TRIM36: variants seen among roughly 807,000 people sequenced by gnomAD.
TRIM36 encodes the protein tripartite motif containing 36.
A neutral mutation model predicts 72.4 loss-of-function variants in TRIM36; 42 were observed. The observed-to-expected ratio is 0.58, with a 90% confidence interval of 0.45 to 0.75. The LOEUF is 0.75. Among genes scored for constraint, TRIM36 ranks in the 30% least tolerant of loss-of-function variants. The pLI is 0.00. For synonymous variants in TRIM36, 315 were observed against 282.8 expected (o/e 1.11, Z -1.14); for missense variants, 913 against 857.1 (o/e 1.07, Z -0.81).
intron 5 of TRIM36, among the ~76,000 whole-genome samples, chr5:115,138,652 T>C (rs1272608144): frequency 1.3e-5 from 2 of 152,126 alleles, no homozygotes; most frequent in African/African-American, 2.4e-5. Flanking sequence ...TCACATACTG[T>C]AAATAAACAT....
chr5:115,163,883 T>C lies in TRIM36; in HGVS notation c.28-131A>G, dbSNP rs997296325. On this transcript the variant is annotated intron_variant, in intron 1 of 9. Transcript: ENST00000513154. ...AGAAAATGATTTTCTAAATTTTAAA[T>C]TTCTTTTCCCCAATAAAATTTGATA... The C allele has an allele frequency of 2.0e-5, 17 of 842,954 alleles. No homozygotes were observed. The African/African-American group carries it at 2.2e-4, about 11-fold the overall frequency. 52.2% of individuals were successfully genotyped at this position (842,954 alleles called of 1,614,324 possible).
intron 5 of TRIM36, among the ~76,000 whole-genome samples, chr5:115,137,953 G>A (rs1403695533): frequency 1.3e-5 from 2 of 152,078 alleles, no homozygotes; most frequent in Non-Finnish European, 2.9e-5. Context: ...TTAAATAAGA[G>A]AATAATCTTT....
chr5:115,143,126 T>C (rs1753364909), intron 4 of TRIM36, among the ~76,000 whole-genome samples: 1 of 144,732 alleles, frequency 6.9e-6, no homozygotes, highest in African/African-American at 2.6e-5. Context: ...GAGGAAACTG[T>C]CCAAGCCCAG....
chr5:115,169,250 C>T (rs114724385), intron 1 of TRIM36, among the ~76,000 whole-genome samples: 1,757 of 152,340 alleles, frequency 0.012, 38 homozygotes, highest in African/African-American at 0.041. Flanking sequence ...GCGCGAGGGA[C>T]GCGCCCCAGC....
rs748520050 is a variant in TRIM36 at position 115,147,409 on chromosome 5, A to T, written c.263-15T>A. The T allele has an allele frequency of 6.2e-7, 1 of 1,604,750 alleles. No individual in the cohort carries two copies. Among genetic ancestry groups the T allele is most frequent in the Admixed American group, 1.7e-5 (1 of 59,760 alleles). On this transcript the variant is annotated splice_polypyrimidine_tract_variant and intron_variant, in intron 2 of 9. Transcript: ENST00000513154. ...GCGCTTCCAGCCTGTGTAATTAGTA[A>T]GTCTTTGTTTAGTTATAGCAGTAGG...
chr5:115,154,679 T>C (rs1451668666), intron 2 of TRIM36, among the ~76,000 whole-genome samples: 3 of 152,144 alleles, frequency 2.0e-5, no homozygotes, highest in African/African-American at 4.8e-5. Context: ...AGCACCAAGA[T>C]TGAAATGGTA....
At chr5:115,170,168 G>C (rs1217626749), upstream of TRIM36, among the ~76,000 whole-genome samples, 1 of 137,900 alleles carries the variant, frequency 7.3e-6, no homozygotes, top group Non-Finnish European at 1.6e-5. Flanking sequence ...GTAGTCGCCC[G>C]TCGCCCTATG....
chr5:115,143,025 T>A (rs573688790), intron 4 of TRIM36, among the ~76,000 whole-genome samples: 3 of 152,012 alleles, frequency 2.0e-5, no homozygotes, highest in Non-Finnish European at 4.4e-5. Context: ...AAGGTATGTA[T>A]CTAAGAAGAG....
At chr5:115,171,311 G>A, upstream of TRIM36, 5 of 1,557,936 alleles carry the variant, frequency 3.2e-6, no homozygotes, top group Non-Finnish European at 4.4e-6. Flanking sequence ...GAGGTGAACA[G>A]AGGACGAAAG....
Position 115,163,652 on chromosome 5 carries a change from T to C in TRIM36, c.128A>G (p.Lys43Arg), listed in dbSNP as rs370120655. 2.5e-5 allele frequency: 41 copies of C among 1,614,156 alleles called. No homozygotes were observed. Among genetic ancestry groups the C allele is most frequent in the Non-Finnish European group, 3.2e-5 (38 of 1,180,024 alleles). Residue 43 changes from lysine (K) to arginine (R), a missense_variant, in exon 2 of 10, where the codon AAA becomes AGA. Transcript: ENST00000513154. The stretch of plus-strand genomic sequence containing the variant: ...AGTCAGCAGGAGTTCTTTTACACAT[T>C]TATGACAGATACTATGTTGGCAAGG... Reference protein sequence around the residue: ...ILPCQHSICHKCVKELLLTLD... With the variant: ...ILPCQHSICHRCVKELLLTLD...
intron 1 of TRIM36, among the ~76,000 whole-genome samples, chr5:115,178,248 A>C (rs1329342663): frequency 6.6e-6 from 1 of 152,186 alleles, no homozygotes; most frequent in African/African-American, 2.4e-5. Flanking sequence ...CATAGGACAA[A>C]ATTCACCTAT....
chr5:115,172,189 G>C (rs1462489139), upstream of TRIM36, among the ~76,000 whole-genome samples: 1 of 151,976 alleles, frequency 6.6e-6, no homozygotes, highest in Non-Finnish European at 1.5e-5. Context: ...AAACCTTTTT[G>C]TGATATCGTA....
At chr5:115,133,418 T>C (rs557604022) in intron 8 of TRIM36, among the ~76,000 whole-genome samples, 139 of 152,226 alleles carry the variant, frequency 9.1e-4, no homozygotes, top group African/African-American at 3.1e-3. Flanking sequence ...AAGTGCCTAG[T>C]TAGATAAAAA....
chr5:115,142,738 T>C (rs1753344179), intron 4 of TRIM36, among the ~76,000 whole-genome samples: 1 of 152,212 alleles, frequency 6.6e-6, no homozygotes. Context: ...CTAAAAAGTA[T>C]ATGTACCACA....
intron 2 of TRIM36, among the ~76,000 whole-genome samples, chr5:115,160,348 CA>C (rs1361189475): frequency 6.6e-6 from 1 of 152,012 alleles, no homozygotes; most frequent in African/African-American, 2.4e-5. Context: ...CCACTATATC[CA>C]AAATACTATG....
chr5:115,137,100 C>T lies in TRIM36; in HGVS notation c.1110G>A (p.Leu370=). ...TCTGAGCTGCAGGTCTAAAGCTCTTCAAAGATTCTGTGGCTTTCTGTATTC... is the reference window on the plus strand; with the variant it reads ...TCTGAGCTGCAGGTCTAAAGCTCTTTAAAGATTCTGTGGCTTTCTGTATTC... ...HLRIQKATES[L]KSFRPAAQTS... The change falls in exon 7 of 10, where the codon TTG becomes TTA. Residue 370 remains leucine, a synonymous_variant. Transcript: ENST00000513154. 2 of 1,604,302 alleles carry T rather than the reference C, an allele frequency of 1.2e-6. No individual in the cohort carries two copies. Among genetic ancestry groups the T allele is most frequent in the Non-Finnish European group, 1.7e-6 (2 of 1,176,846 alleles).
chr5:115,141,846 A>G (rs1753293855), intron 4 of TRIM36, among the ~76,000 whole-genome samples: 1 of 152,190 alleles, frequency 6.6e-6, no homozygotes, highest in African/African-American at 2.4e-5. Context: ...TTGACAGTTC[A>G]TCCCAGCCTA....
intron 5 of TRIM36, 144 bp from the exon 6 acceptor site, chr5:115,137,760 C>A (rs1753040882): frequency 1.2e-5 from 11 of 926,838 alleles, no homozygotes; most frequent in Non-Finnish European, 1.7e-5. Context: ...ATAAAACCAA[C>A]CTAGATATTA....
At chr5:115,126,933 T>C (rs2974528) in intron 9 of TRIM36, 76 bp from the exon 10 acceptor site, 825,163 of 1,379,864 alleles carry the variant, frequency 0.6, 248,550 homozygotes, top group Middle Eastern at 0.64. Flanking sequence ...CAGGATAATA[T>C]ACATTGATGT....
Sources: allele counts gnomAD v4.1 joint callset (sites outside exome capture counted in the v4.1 genomes callset), GRCh38; gene constraint gnomAD v4.1.1; transcripts MANE v1.5; gene names NCBI Gene and HGNC (gene_info 2026-07-23, HGNC 2026-07-21).